The following KLRG1 variants were observed in gnomAD, a reference collection of about 807,000 sequenced individuals.
The protein encoded by KLRG1 is killer cell lectin like receptor G1, also known as killer cell lectin-like receptor subfamily G member 1.
Under a neutral mutation model 21.8 loss-of-function variants are expected in KLRG1, and 16 were observed. That is an observed-to-expected ratio of 0.73 (90% CI 0.50 to 1.11). The LOEUF (loss-of-function observed/expected upper bound fraction) is 1.11, where lower values mean the gene tolerates loss of function less well. Ranked by LOEUF, KLRG1 falls within the 50% of genes most tolerant of loss-of-function variation. The pLI, the probability that KLRG1 is intolerant of heterozygous loss-of-function variation, is 0.00. For synonymous variants in KLRG1, 69 were observed against 75.9 expected (o/e 0.91, Z 0.47); for missense variants, 173 against 218.3 (o/e 0.79, Z 1.31).
intron 1 of KLRG1, among the ~76,000 whole-genome samples, chr12:8,978,653 T>C (rs12827963): frequency 0.065 from 3,561 of 54,928 alleles, 94 homozygotes; most frequent in East Asian, 0.17. Context: ...TCTTTCTTTC[T>C]TTCTTTCTTT....
intron 1 of KLRG1, among the ~76,000 whole-genome samples, chr12:8,965,139 C>T (rs1946447006): frequency 6.6e-6 from 1 of 152,288 alleles, no homozygotes; most frequent in Non-Finnish European, 1.5e-5. Context: ...TTCAACAACA[C>T]TTCATGCTAA....
chr12:9,149,234 G>A, the KLRG1 span, among the ~76,000 whole-genome samples: 85 of 152,360 alleles, frequency 5.6e-4, 1 homozygote, highest in Non-Finnish European at 6.8e-4. Context: ...ACAAAATTAA[G>A]TGTAAGGCTA....
At chr12:8,998,489 A>G (rs1042987185) in intron 3 of KLRG1, among the ~76,000 whole-genome samples, 1 of 152,040 alleles carries the variant, frequency 6.6e-6, no homozygotes, top group Non-Finnish European at 1.5e-5. Flanking sequence ...AGAATTCAAG[A>G]CCAGCCTGGG....
rs1057030904 is a variant in KLRG1 at position 9,001,406 on chromosome 12, C to T, written c.357+6118C>T. On this transcript the variant is annotated intron_variant, in intron 3 of 4. Coordinates refer to ENST00000356986, the MANE Select transcript of KLRG1 (RefSeq NM_005810.4). ...GCTGAAAATCGCAGAGGGCCTTGAC[C>T]GCTCTGTGACCCGCCCAGCTACAGG... Among the ~76,000 whole-genome samples the T allele has an allele frequency of 4.6e-5, 7 of 152,252 alleles. No individual in the cohort carries two copies. In the South Asian group the frequency reaches 6.2e-4, roughly 14 times the overall value.
At chr12:9,201,044 C>T in the KLRG1 span, 10 of 1,613,842 alleles carry the variant, frequency 6.2e-6, no homozygotes, top group Admixed American at 3.3e-5. Context: ...TTGTGCAATT[C>T]GATTTCTTCT....
chr12:9,034,272 C>G, the KLRG1 span, among the ~76,000 whole-genome samples: 1 of 152,182 alleles, frequency 6.6e-6, no homozygotes, highest in Admixed American at 6.5e-5. Context: ...GCTGTCATAA[C>G]ATCACAGCAC....
chr12:9,099,550 G>T, the KLRG1 span: 2 of 1,577,340 alleles, frequency 1.3e-6, no homozygotes, highest in Admixed American at 1.8e-5. Flanking sequence ...ATGAGAGGAA[G>T]CCATCATAGG....
upstream of KLRG1, chr12:8,987,232 TCA>T (rs1165404660): frequency 6.6e-6 from 1 of 152,204 alleles, no homozygotes; most frequent in Non-Finnish European, 1.5e-5. Flanking sequence ...GCCCTAATCC[TCA>T]GTGTGACTGT....
chr12:9,140,208 A>G, the KLRG1 span, among the ~76,000 whole-genome samples: 1 of 152,188 alleles, frequency 6.6e-6, no homozygotes, highest in African/African-American at 2.4e-5. Context: ...TCAGTTAAAA[A>G]TCTCTGGAAA....
upstream of KLRG1, chr12:8,989,475 G>T: frequency 1.8e-6 from 1 of 570,728 alleles, no homozygotes. Flanking sequence ...AATTTCTATA[G>T]GCAGCCCCCA....
the KLRG1 span, chr12:9,112,163 T>A: frequency 3.4e-5 from 55 of 1,613,668 alleles, no homozygotes; most frequent in African/African-American, 6.5e-4. Flanking sequence ...ACTCACCAAC[T>A]CATTCAGGGG....
At chr12:9,058,237 A>G in the KLRG1 span, 1 of 152,150 alleles carries the variant, frequency 6.6e-6, no homozygotes, top group African/African-American at 2.4e-5. Flanking sequence ...TACCTTATTT[A>G]TCTATTATCT....
the KLRG1 span, chr12:9,165,440 C>A: frequency 6.5e-7 from 1 of 1,538,708 alleles, no homozygotes; most frequent in Non-Finnish European, 8.9e-7. Flanking sequence ...AATTAATATG[C>A]ATAAAGCTAA....
exon 1 of KLRG1, chr12:8,950,077 C>G (rs750835629): frequency 3.3e-4 from 50 of 152,338 alleles, no homozygotes; most frequent in African/African-American, 1.2e-3. Context: ...GGGCGCTTCC[C>G]TAGCCCGTTC....
the KLRG1 span, among the ~76,000 whole-genome samples, chr12:9,191,788 C>T: frequency 1.3e-5 from 2 of 151,926 alleles, no homozygotes; most frequent in African/African-American, 4.8e-5. Context: ...CATGGCCTGG[C>T]ACAAGAAAAA....
chr12:9,206,928 A>C, the KLRG1 span, among the ~76,000 whole-genome samples: 1 of 152,152 alleles, frequency 6.6e-6, no homozygotes, highest in Admixed American at 6.5e-5. Context: ...CAGAAAGCAA[A>C]ATAGCCTCCA....
the KLRG1 span, chr12:9,069,647 AT>A: frequency 1.2e-6 from 1 of 806,068 alleles, no homozygotes; most frequent in Non-Finnish European, 2.0e-6. Context: ...AATTTCTAGC[AT>A]GGAAGTGATG....
At chr12:8,959,589 A>T (rs1441825914) in intron 1 of KLRG1, among the ~76,000 whole-genome samples, 1 of 152,168 alleles carries the variant, frequency 6.6e-6, no homozygotes, top group Non-Finnish European at 1.5e-5. Context: ...CCCTGCAATT[A>T]TTAAACTCTT....
At chr12:9,088,355 A>C in the KLRG1 span, among the ~76,000 whole-genome samples, 2 of 152,130 alleles carry the variant, frequency 1.3e-5, no homozygotes, top group African/African-American at 4.8e-5. Context: ...TTTGATGATT[A>C]GCCCTTACAC....
Sources: allele counts gnomAD v4.1 joint callset (sites outside exome capture counted in the v4.1 genomes callset), GRCh38; gene constraint gnomAD v4.1.1; transcripts MANE v1.5; gene names NCBI Gene and HGNC (gene_info 2026-07-23, HGNC 2026-07-21).